The following COL12A1 variants were observed in gnomAD, a reference collection of about 807,000 sequenced individuals.
The protein encoded by COL12A1 is collagen type XII alpha 1 chain.
Under a neutral mutation model 349.7 loss-of-function variants are expected in COL12A1, and 114 were observed. That is an observed-to-expected ratio of 0.33 (90% CI 0.28 to 0.38). COL12A1 has a LOEUF of 0.38. Among genes scored for constraint, COL12A1 ranks in the 10% least tolerant of loss-of-function variants. The probability of loss-of-function intolerance (pLI) is 1.00; values close to 1 mark genes in which losing one functional copy is unlikely to be tolerated. For synonymous variants in COL12A1, 1,369 were observed against 1,329.0 expected (o/e 1.03, Z -0.66); for missense variants, 3,284 against 3,756.9 (o/e 0.87, Z 3.29).
At chr6:75,091,699 ATCTCTC>A (rs572071883) in intron 60 of COL12A1, among the ~76,000 whole-genome samples, 174 bp from the exon 61 acceptor site, 2 of 149,656 alleles carry the variant, frequency 1.3e-5, no homozygotes, top group Non-Finnish European at 3.0e-5. Flanking sequence ...AAGGAATCTA[ATCTCTC>A]TCTCTCTCTC....
Position 75,189,337 on chromosome 6 carries a change from C to G in COL12A1, c.703G>C (p.Ala235Pro), listed in dbSNP as rs778102460. 1 of 1,613,044 alleles carries G rather than the reference C, an allele frequency of 6.2e-7. No homozygotes were observed. Among genetic ancestry groups the G allele is most frequent in the Admixed American group, 1.7e-5 (1 of 59,888 alleles). Residue 235 changes from alanine to proline, a missense_variant, in exon 7 of 66, where the codon GCT becomes CCT. By Grantham distance (27) the Ala-to-Pro change is conservative. Transcript: ENST00000322507. ...YLVKNTFTES[A>P]GARVGFPKVA... ...TTAGGAAAGCCAACTCTTGCCCCAG[C>G]AGATTCCGTGAAAGTATTTTTAACT...
At position 75,143,439 on chromosome 6, in the gene COL12A1, T is replaced by C. The variant is rs769507035; in HGVS notation, c.4691-51A>G. On this transcript the variant is annotated intron_variant, in intron 25 of 65. Coordinates refer to ENST00000322507, the MANE Select transcript of COL12A1 (RefSeq NM_004370.6). ...CAGATGTGCTTCTCAACCACAAAGCTCCAAAGCATCCATGCAAGCTTTCAA... is the reference window on the plus strand; with the variant it reads ...CAGATGTGCTTCTCAACCACAAAGCCCCAAAGCATCCATGCAAGCTTTCAA... 3.2e-6 allele frequency: 5 copies of C among 1,581,492 alleles called. No individual in the cohort carries two copies. The South Asian group carries it at 5.9e-5, about 19-fold the overall frequency.
At chr6:75,195,297 CAATT>C (rs981649224) in intron 2 of COL12A1, among the ~76,000 whole-genome samples, 82 of 152,216 alleles carry the variant, frequency 5.4e-4, no homozygotes, top group African/African-American at 1.8e-3. Context: ...ATTCACATAA[CAATT>C]AAAGGAATTT....
intron 21 of COL12A1, among the ~76,000 whole-genome samples, chr6:75,150,003 CA>C (rs1171005139): frequency 4.6e-5 from 7 of 152,086 alleles, no homozygotes; most frequent in South Asian, 2.1e-4. Context: ...GTTCAAAATT[CA>C]AAAAAGAAAA....
chr6:75,141,038 T>G (rs1404794587), intron 27 of COL12A1, among the ~76,000 whole-genome samples: 2 of 152,228 alleles, frequency 1.3e-5, no homozygotes, highest in African/African-American at 4.8e-5. Flanking sequence ...GCTGTTGAAA[T>G]TATAATGGAT....
Position 75,184,016 on chromosome 6 carries a change from G to A in COL12A1, c.1126C>T (p.Arg376Ter), listed in dbSNP as rs972642880. Reference protein sequence around the residue: ...VILTPMTAGSRQHALSVGPQT... With the variant: ...VILTPMTAGS ...GGCCCCACACTCAGAGCGTGCTGTC[G>A]GCTTCCTGCAGTCATTGGTGTGAGG... Residue 376 changes from arginine to a stop codon, truncating the protein, a stop_gained, in exon 9 of 66, where the codon CGA becomes TGA. Coordinates refer to ENST00000322507, the MANE Select transcript of COL12A1 (RefSeq NM_004370.6). LOFTEE classifies it high-confidence loss of function. 3 of 1,614,104 alleles carry A rather than the reference G, an allele frequency of 1.9e-6. No homozygotes were observed. Among genetic ancestry groups the A allele is most frequent in the Non-Finnish European group, 2.5e-6 (3 of 1,180,030 alleles).
intron 22 of COL12A1, 146 bp from the exon 23 acceptor site, chr6:75,147,950 T>A: frequency 1.1e-6 from 1 of 877,872 alleles, no homozygotes; most frequent in Non-Finnish European, 1.7e-6. Context: ...ACTATCAGAT[T>A]ACAATGAGAT....
At chr6:75,153,108 C>A (rs1021854661) in intron 17 of COL12A1, among the ~76,000 whole-genome samples, 1 of 151,760 alleles carries the variant, frequency 6.6e-6, no homozygotes, top group Non-Finnish European at 1.5e-5. Context: ...ATTTTTTAAA[C>A]CCTGATATAT....
intron 25 of COL12A1, 122 bp downstream of exon 25, chr6:75,145,204 A>C: frequency 4.9e-6 from 5 of 1,016,570 alleles, no homozygotes; most frequent in Non-Finnish European, 6.5e-6. Flanking sequence ...TGATTGTCAA[A>C]AGTAATAACT....
chr6:75,108,742 T>C (rs571414968), intron 52 of COL12A1, among the ~76,000 whole-genome samples: 2 of 152,202 alleles, frequency 1.3e-5, no homozygotes, highest in African/African-American at 4.8e-5. Context: ...TTGTGTGGTG[T>C]TCTCCAATTT....
intron 30 of COL12A1, among the ~76,000 whole-genome samples, chr6:75,137,845 G>A (rs2149394813): frequency 6.6e-6 from 1 of 152,032 alleles, no homozygotes; most frequent in South Asian, 2.1e-4. Flanking sequence ...GGTAATTAGG[G>A]TTAGATTAGG....
chr6:75,172,580 G>A (rs1472637001), intron 13 of COL12A1, among the ~76,000 whole-genome samples: 1 of 152,174 alleles, frequency 6.6e-6, no homozygotes, highest in Non-Finnish European at 1.5e-5. Flanking sequence ...ATTGTGGAAA[G>A]CATATGGAGA....
chr6:75,136,718 G>A (rs1766624703), intron 31 of COL12A1, among the ~76,000 whole-genome samples: 1 of 152,162 alleles, frequency 6.6e-6, no homozygotes, highest in East Asian at 1.9e-4. Flanking sequence ...TAAAAATCAT[G>A]AGGCTTCCTG....
intron 47 of COL12A1, among the ~76,000 whole-genome samples, chr6:75,116,877 G>A (rs1398346215): frequency 6.6e-6 from 1 of 152,004 alleles, no homozygotes; most frequent in African/African-American, 2.4e-5. Flanking sequence ...AGAATAAATC[G>A]ACTTAAATAA....
rs1767578103 is a variant in COL12A1 at position 75,087,803 on chromosome 6, G to GTAGC, written c.9011-60_9011-57dup. 4.5e-6 allele frequency: 7 copies of GTAGC among 1,562,016 alleles called. No homozygotes were observed. In the South Asian group the frequency reaches 8.2e-5, roughly 18 times the overall value. ...CCTCTTGTCAAATACAACTCCTGAG[G>GTAGC]TAGCCACCAATACTTTAAGTGGCAC... On this transcript the variant is annotated intron_variant, in intron 64 of 65. Coordinates refer to ENST00000322507, the MANE Select transcript of COL12A1 (RefSeq NM_004370.6).
At chr6:75,191,284 T>A (rs542348956) in intron 5 of COL12A1, among the ~76,000 whole-genome samples, 35 of 152,088 alleles carry the variant, frequency 2.3e-4, no homozygotes, top group Admixed American at 2.3e-3. Flanking sequence ...ATTGTATTAC[T>A]TTGAACACTA....
chr6:75,190,153 T>C (rs1177309591), intron 5 of COL12A1, among the ~76,000 whole-genome samples: 1 of 151,972 alleles, frequency 6.6e-6, no homozygotes, highest in Non-Finnish European at 1.5e-5. Context: ...TTATAAACTA[T>C]ACCCTCACTC....
chr6:75,089,641 C>T (rs1422363687), intron 63 of COL12A1, among the ~76,000 whole-genome samples: 3 of 152,148 alleles, frequency 2.0e-5, no homozygotes, highest in Non-Finnish European at 4.4e-5. Context: ...TCAAATAGTC[C>T]TGTTTTTCTC....
chr6:75,127,660 G>T (rs1766082993), intron 38 of COL12A1, among the ~76,000 whole-genome samples: 1 of 152,210 alleles, frequency 6.6e-6, no homozygotes, highest in African/African-American at 2.4e-5. Flanking sequence ...AGTTACATCA[G>T]TATCTCTGGG....
Sources: gnomAD v4.1 joint callset for allele counts (sites outside exome capture counted in the v4.1 genomes callset) on GRCh38, gnomAD v4.1.1 for gene constraint, MANE v1.5 for transcripts, NCBI Gene and HGNC (gene_info 2026-07-23, HGNC 2026-07-21) for gene names.